GPHN: variants seen among roughly 807,000 people sequenced by gnomAD.
The protein encoded by GPHN is gephyrin.
GPHN carries 17 observed loss-of-function variants against 95.5 expected under a neutral mutation model. The ratio of observed to expected loss-of-function variants is 0.18; its 90% CI spans 0.12 to 0.27. The LOEUF is 0.27. Among genes scored for constraint, GPHN ranks in the 10% least tolerant of loss-of-function variants. GPHN has a pLI of 1.00. For missense variants in GPHN, 660 were observed against 978.1 expected (o/e 0.67, Z 4.34); for synonymous variants, 320 against 322.5 (o/e 0.99, Z 0.08).
chr14:66,652,450 T>C (rs1268508965), intron 1 of GPHN, among the ~76,000 whole-genome samples: 1 of 151,948 alleles, frequency 6.6e-6, no homozygotes, highest in African/African-American at 2.4e-5. Flanking sequence ...TACCACATGT[T>C]CAGAATCTGC....
chr14:67,476,945 A>G, the GPHN span, among the ~76,000 whole-genome samples: 63 of 152,118 alleles, frequency 4.1e-4, 1 homozygote, highest in Admixed American at 4.1e-3. Context: ...GACCAAAATG[A>G]TGAAACCCTG....
At chr14:67,148,240 G>A (rs1387574383) in intron 18 of GPHN, among the ~76,000 whole-genome samples, 2 of 152,046 alleles carry the variant, frequency 1.3e-5, no homozygotes, top group Non-Finnish European at 2.9e-5. Flanking sequence ...AGCACAAAAA[G>A]GCAAATTACA....
At chr14:67,250,517 A>C in the GPHN span, among the ~76,000 whole-genome samples, 1 of 152,186 alleles carries the variant, frequency 6.6e-6, no homozygotes, top group Non-Finnish European at 1.5e-5. Flanking sequence ...TTAACTGTCT[A>C]ATATTAAACA....
At chr14:67,602,827 C>G in the GPHN span, among the ~76,000 whole-genome samples, 1 of 152,206 alleles carries the variant, frequency 6.6e-6, no homozygotes, top group Non-Finnish European at 1.5e-5. Context: ...TTAAACCCAT[C>G]ACTAGCTATT....
chr14:67,206,291 G>C, the GPHN span, among the ~76,000 whole-genome samples: 48 of 152,278 alleles, frequency 3.2e-4, 1 homozygote, highest in African/African-American at 1.2e-3. Context: ...CTGAGGTCAG[G>C]AGTTGAGACT....
At chr14:66,562,257 G>T (rs1358682638) in intron 1 of GPHN, among the ~76,000 whole-genome samples, 1 of 152,098 alleles carries the variant, frequency 6.6e-6, no homozygotes, top group Admixed American at 6.6e-5. Context: ...AAATTCTGCG[G>T]ATCTATTTCA....
chr14:66,576,197 G>A (rs1440080220), intron 1 of GPHN, among the ~76,000 whole-genome samples: 1 of 152,188 alleles, frequency 6.6e-6, no homozygotes, highest in Admixed American at 6.5e-5. Flanking sequence ...CATTCTGTGG[G>A]CATGGGCCTG....
chr14:67,063,964 A>C (rs1487655380), intron 11 of GPHN, among the ~76,000 whole-genome samples: 1 of 152,164 alleles, frequency 6.6e-6, no homozygotes, highest in Non-Finnish European at 1.5e-5. Flanking sequence ...AACTTCCAAC[A>C]CCATGTTGAA....
intron 1 of GPHN, among the ~76,000 whole-genome samples, chr14:66,532,196 T>C (rs2139959269): frequency 6.6e-6 from 1 of 152,352 alleles, no homozygotes; most frequent in South Asian, 2.1e-4. Flanking sequence ...TACGATTTAG[T>C]ATTTTTCACA....
intron 8 of GPHN, among the ~76,000 whole-genome samples, chr14:66,945,908 A>G (rs1161467222): frequency 1.3e-5 from 2 of 152,314 alleles, no homozygotes; most frequent in African/African-American, 2.4e-5. Flanking sequence ...TTAAAGAACA[A>G]ACTTTTGTGA....
At chr14:66,658,405 A>C (rs191729021) in intron 1 of GPHN, among the ~76,000 whole-genome samples, 28 of 152,190 alleles carry the variant, frequency 1.8e-4, no homozygotes, top group Admixed American at 4.6e-4. Context: ...GTGAGGATTG[A>C]CTCTTCCAAT....
chr14:67,438,985 G>T, the GPHN span, among the ~76,000 whole-genome samples: 1 of 152,108 alleles, frequency 6.6e-6, no homozygotes, highest in Non-Finnish European at 1.5e-5. Context: ...ATCCATGAGG[G>T]CACAGGCAAC....
chr14:66,621,025 C>T (rs752651985), intron 1 of GPHN, among the ~76,000 whole-genome samples: 5 of 152,010 alleles, frequency 3.3e-5, no homozygotes, highest in East Asian at 1.9e-4. Context: ...AGTGCACTGG[C>T]GTGATCTTGG....
At chr14:67,301,391 A>G in the GPHN span, 15 of 1,604,762 alleles carry the variant, frequency 9.3e-6, no homozygotes, top group Non-Finnish European at 1.1e-5. Flanking sequence ...TTTCTTAGGT[A>G]CAAACTGTTT....
At chr14:66,886,332 A>G (rs952349118) in intron 5 of GPHN, among the ~76,000 whole-genome samples, 1 of 152,132 alleles carries the variant, frequency 6.6e-6, no homozygotes, top group African/African-American at 2.4e-5. Flanking sequence ...TTTACAGAGA[A>G]CAGCTATAAA....
At chr14:66,869,926 G>A (rs375852218) in intron 4 of GPHN, among the ~76,000 whole-genome samples, 32 of 152,210 alleles carry the variant, frequency 2.1e-4, no homozygotes, top group African/African-American at 7.2e-4. Context: ...ATCTAGATTG[G>A]TTTATTTATT....
chr14:66,681,181 T>G lies in GPHN; in HGVS notation c.139T>G (p.Ser47Ala). The stretch of plus-strand genomic sequence containing the variant: ...TCTCAAAGATCTCGTACAAGATCCT[T>G]CTTTGTGAGTATTGTGCTTTCAGTA... ...INLKDLVQDP[S>A]LLGGTISAYK... The change falls in exon 2 of 23, where the codon TCT becomes GCT. Residue 47 changes from serine (S) to alanine (A), a missense_variant. Transcript: ENST00000478722. The G allele has an allele frequency of 6.4e-7, 1 of 1,556,246 alleles. No homozygotes were observed. The highest frequency in any genetic ancestry group is 1.4e-5 in the African/African-American group (1 of 73,774).
At chr14:66,576,226 G>C (rs567841159) in intron 1 of GPHN, among the ~76,000 whole-genome samples, 1 of 152,334 alleles carries the variant, frequency 6.6e-6, no homozygotes, top group South Asian at 2.1e-4. Flanking sequence ...ATCTGTGCTG[G>C]CTAGCTTGGA....
chr14:67,724,542 C>A, the GPHN span: 3 of 1,613,840 alleles, frequency 1.9e-6, no homozygotes, highest in Non-Finnish European at 2.5e-6. Flanking sequence ...TGATCACTGG[C>A]GCCAACACGG....
Sources: gnomAD v4.1 joint callset for allele counts (sites outside exome capture counted in the v4.1 genomes callset) on GRCh38, gnomAD v4.1.1 for gene constraint, MANE v1.5 for transcripts, NCBI Gene and HGNC (gene_info 2026-07-23, HGNC 2026-07-21) for gene names.